The following TMEM117 variants were observed in gnomAD, a reference collection of about 807,000 sequenced individuals.
The protein encoded by TMEM117 is transmembrane protein 117.
TMEM117 carries 27 observed loss-of-function variants against 52.4 expected under a neutral mutation model. The ratio of observed to expected loss-of-function variants is 0.51; its 90% CI spans 0.38 to 0.71. The LOEUF (loss-of-function observed/expected upper bound fraction) is 0.71. TMEM117 is among the 30% of genes least tolerant of loss of function. The probability of loss-of-function intolerance (pLI) is 0.00; values close to 1 mark genes in which losing one functional copy is unlikely to be tolerated. For synonymous variants in TMEM117, 215 were observed against 206.3 expected (o/e 1.04, Z -0.36); for missense variants, 556 against 630.5 (o/e 0.88, Z 1.26).
At chr12:43,962,576 T>TA in intron 3 of TMEM117, among the ~76,000 whole-genome samples, 1 of 152,302 alleles carries the variant, frequency 6.6e-6, no homozygotes, top group East Asian at 1.9e-4. Context: ...TTTTGATATA[T>TA]ATTTTGTAGC....
chr12:44,365,110 A>G (rs1420342152), intron 6 of TMEM117, among the ~76,000 whole-genome samples: 1 of 152,106 alleles, frequency 6.6e-6, no homozygotes, highest in African/African-American at 2.4e-5. Context: ...AGCCAAATCT[A>G]TGCATTGGCA....
intron 3 of TMEM117, among the ~76,000 whole-genome samples, chr12:44,064,363 AG>A (rs1947188642): frequency 6.6e-6 from 1 of 152,202 alleles, no homozygotes; most frequent in Non-Finnish European, 1.5e-5. Context: ...TAATTGGAAA[AG>A]GGTTTGGAAG....
Position 43,975,794 on chromosome 12 carries a change from T to A in TMEM117, c.410+31452T>A, listed in dbSNP as rs73284301. The stretch of plus-strand genomic sequence containing the variant: ...TCCATTAAACAAAGGTGATCTTTGC[T>A]GGAAACCCAGTGGCTTTGTGATACA... On this transcript the variant is annotated intron_variant, in intron 3 of 7. Coordinates refer to ENST00000266534, the MANE Select transcript of TMEM117 (RefSeq NM_032256.3). 3.9e-3 allele frequency among the ~76,000 whole-genome samples: 587 copies of A among 152,310 alleles called. 6 individuals carry two copies. Among genetic ancestry groups the A allele is most frequent in the African/African-American group, 0.014 (563 of 41,576 alleles).
intron 2 of TMEM117, among the ~76,000 whole-genome samples, chr12:43,857,858 A>T (rs1435167777): frequency 6.6e-6 from 1 of 152,218 alleles, no homozygotes; most frequent in Admixed American, 6.5e-5. Flanking sequence ...TAACAATCCC[A>T]TCATAGAGAG....
intron 2 of TMEM117, among the ~76,000 whole-genome samples, chr12:43,854,740 G>A (rs1469119867): frequency 2.0e-5 from 3 of 152,164 alleles, no homozygotes; most frequent in South Asian, 2.1e-4. Flanking sequence ...AGGTTCAAGC[G>A]ATTCTCCTGC....
At chr12:43,847,853 G>T (rs1484503839) in intron 2 of TMEM117, among the ~76,000 whole-genome samples, 1 of 152,080 alleles carries the variant, frequency 6.6e-6, no homozygotes, top group African/African-American at 2.4e-5. Context: ...TTTAACATAG[G>T]TTCTATTTTC....
At chr12:43,948,191 A>G (rs1408321671) in intron 3 of TMEM117, among the ~76,000 whole-genome samples, 2 of 152,146 alleles carry the variant, frequency 1.3e-5, no homozygotes, top group Non-Finnish European at 1.5e-5. Context: ...AAAAAGGATC[A>G]AGGCTCAGAC....
intron 3 of TMEM117, among the ~76,000 whole-genome samples, chr12:44,007,100 A>T (rs1054664259): frequency 6.6e-6 from 1 of 152,204 alleles, no homozygotes; most frequent in Non-Finnish European, 1.5e-5. Context: ...ATAACAAGAT[A>T]TTCCTAATTC....
At chr12:44,271,779 TAATC>T (rs756519778) in intron 5 of TMEM117, among the ~76,000 whole-genome samples, 3 of 151,980 alleles carry the variant, frequency 2.0e-5, no homozygotes, top group Non-Finnish European at 2.9e-5. Flanking sequence ...GCACAGCAAA[TAATC>T]AATAGAGAAT....
intron 2 of TMEM117, among the ~76,000 whole-genome samples, chr12:43,847,190 A>C (rs1433551122): frequency 6.6e-6 from 1 of 152,200 alleles, no homozygotes; most frequent in Non-Finnish European, 1.5e-5. Context: ...AAAAAGATAT[A>C]GATGAAAGAT....
chr12:44,242,076 T>A (rs566123368), intron 5 of TMEM117, among the ~76,000 whole-genome samples: 1 of 152,018 alleles, frequency 6.6e-6, no homozygotes, highest in South Asian at 2.1e-4. Flanking sequence ...TGTGAATATT[T>A]AACATTCTCC....
At chr12:44,337,727 T>G (rs907672675) in intron 6 of TMEM117, among the ~76,000 whole-genome samples, 5 of 152,084 alleles carry the variant, frequency 3.3e-5, no homozygotes, top group African/African-American at 1.2e-4. Flanking sequence ...TGTGACGGCA[T>G]GCAATCCATT....
At chr12:43,948,467 G>A (rs1460876107) in intron 3 of TMEM117, among the ~76,000 whole-genome samples, 3 of 151,774 alleles carry the variant, frequency 2.0e-5, no homozygotes, top group Non-Finnish European at 4.4e-5. Flanking sequence ...CACCACACCC[G>A]GCTAATTTTT....
At chr12:43,901,510 C>G (rs150170355) in intron 2 of TMEM117, among the ~76,000 whole-genome samples, 3 of 152,142 alleles carry the variant, frequency 2.0e-5, no homozygotes, top group Admixed American at 2.0e-4. Flanking sequence ...CGGGGTTTCA[C>G]TATGTTGTCC....
intron 6 of TMEM117, among the ~76,000 whole-genome samples, chr12:44,305,887 C>T (rs1160112935): frequency 6.6e-6 from 1 of 152,002 alleles, no homozygotes; most frequent in Non-Finnish European, 1.5e-5. Flanking sequence ...TGCCCATCAA[C>T]AGTGGATCAG....
chr12:43,925,108 A>C (rs894675844), intron 2 of TMEM117, among the ~76,000 whole-genome samples: 1 of 152,038 alleles, frequency 6.6e-6, no homozygotes, highest in Non-Finnish European at 1.5e-5. Context: ...AGAGACAGCA[A>C]CTCGAGAGAG....
chr12:44,224,915 A>G (rs917366464), intron 5 of TMEM117, among the ~76,000 whole-genome samples: 3 of 152,070 alleles, frequency 2.0e-5, no homozygotes, highest in Non-Finnish European at 4.4e-5. Flanking sequence ...CGCGTCTGGA[A>G]AGCCTGGGGT....
At chr12:44,387,353 AAG>A (rs1300451375) in intron 7 of TMEM117, among the ~76,000 whole-genome samples, 1 of 151,876 alleles carries the variant, frequency 6.6e-6, no homozygotes, top group Non-Finnish European at 1.5e-5. Flanking sequence ...ATATTAAAAA[AAG>A]AAATAATAGT....
At chr12:44,386,590 A>G (rs1480039777) in intron 7 of TMEM117, among the ~76,000 whole-genome samples, 1 of 152,114 alleles carries the variant, frequency 6.6e-6, no homozygotes, top group African/African-American at 2.4e-5. Context: ...GGTTTAGGCA[A>G]GGCTTTCGTG....
Sources: allele counts gnomAD v4.1 joint callset (sites outside exome capture counted in the v4.1 genomes callset), GRCh38; gene constraint gnomAD v4.1.1; transcripts MANE v1.5; gene names NCBI Gene and HGNC (gene_info 2026-07-23, HGNC 2026-07-21).